Variants in CTTNBP2NL observed in about 807,000 individuals in gnomAD.
CTTNBP2NL encodes the protein CTTNBP2 N-terminal like, also known as CTTNBP2 N-terminal-like protein.
Under a neutral mutation model 32.5 loss-of-function variants are expected in CTTNBP2NL, and 16 were observed. The ratio of observed to expected loss-of-function variants is 0.49; its 90% CI spans 0.33 to 0.75. The LOEUF (loss-of-function observed/expected upper bound fraction) is 0.75, where lower values mean the gene tolerates loss of function less well. Among genes scored for constraint, CTTNBP2NL ranks in the 30% least tolerant of loss-of-function variants. CTTNBP2NL has a pLI of 0.02. For missense variants in CTTNBP2NL, 645 were observed against 756.0 expected (o/e 0.85, Z 1.72); for synonymous variants, 298 against 289.4 (o/e 1.03, Z -0.30).
chr1:112,421,310 C>CTTTTTTTTTTTT (rs34750717), intron 3 of CTTNBP2NL, among the ~76,000 whole-genome samples: 1 of 115,934 alleles, frequency 8.6e-6, no homozygotes, highest in African/African-American at 3.2e-5. Flanking sequence ...CATTTCTTTT[C>CTTTTTTTTTTTT]TTTTTTTTTT....
rs1174705198 is a variant in CTTNBP2NL at position 112,407,930 on chromosome 1, C to T, written c.-133-4264C>T. ...CGTAATCTTGCCTCACTGCAACCTC[C>T]ACCACCCGGGCTCACGCAATTCTCC... On this transcript the variant is annotated intron_variant, in intron 1 of 5. Transcript: ENST00000271277. Among the ~76,000 whole-genome samples the T allele has an allele frequency of 2.0e-5, 3 of 149,224 alleles. No homozygotes were observed. The East Asian group carries it at 5.9e-4, about 29-fold the overall frequency.
At chr1:112,400,990 A>G (rs1473746255) in intron 1 of CTTNBP2NL, among the ~76,000 whole-genome samples, 3 of 146,926 alleles carry the variant, frequency 2.0e-5, no homozygotes, top group Non-Finnish European at 3.0e-5. Context: ...AAAAAAAAAA[A>G]GGATTACATG....
chr1:112,400,040 G>C (rs1399931386), intron 1 of CTTNBP2NL, among the ~76,000 whole-genome samples: 1 of 152,170 alleles, frequency 6.6e-6, no homozygotes, highest in African/African-American at 2.4e-5. Flanking sequence ...TTGCACTCCA[G>C]CCTGGGCAAG....
chr1:112,406,871 T>C (rs1357723115), intron 1 of CTTNBP2NL, among the ~76,000 whole-genome samples: 3 of 152,210 alleles, frequency 2.0e-5, no homozygotes, highest in African/African-American at 7.2e-5. Flanking sequence ...TTATAAATGT[T>C]GACCCTAAAA....
At position 112,457,432 on chromosome 1, in the gene CTTNBP2NL, A is replaced by C. The variant is rs771832194; in HGVS notation, c.*20A>C. The C allele has an allele frequency of 1.3e-6, 2 of 1,573,742 alleles. No homozygotes were observed. The highest frequency in any genetic ancestry group is 1.7e-6 in the Non-Finnish European group (2 of 1,160,066). On this transcript the variant is annotated 3_prime_UTR_variant, in exon 6 of 6. Transcript: ENST00000271277. ...AGCTAGTCCCTAGGAGGGAGTCTCCACGTTTGACATTCCATCAGATTTCGT... is the reference window on the plus strand; with the variant it reads ...AGCTAGTCCCTAGGAGGGAGTCTCCCCGTTTGACATTCCATCAGATTTCGT...
chr1:112,422,633 C>G (rs115542711), intron 3 of CTTNBP2NL, among the ~76,000 whole-genome samples: 1,728 of 152,288 alleles, frequency 0.011, 38 homozygotes, highest in African/African-American at 0.04. Context: ...ACATCCTCAC[C>G]AAACTTGGTA....
chr1:112,408,849 G>A (rs1233001772), intron 1 of CTTNBP2NL, among the ~76,000 whole-genome samples: 1 of 152,014 alleles, frequency 6.6e-6, no homozygotes, highest in Non-Finnish European at 1.5e-5. Context: ...TTTACGGGCC[G>A]GGCATGGTGG....
At chr1:112,424,505 G>A (rs1175930109) in intron 3 of CTTNBP2NL, among the ~76,000 whole-genome samples, 2 of 152,074 alleles carry the variant, frequency 1.3e-5, no homozygotes, top group Non-Finnish European at 2.9e-5. Flanking sequence ...CTTATTTATG[G>A]TCCTTCGCAT....
At position 112,434,506 on chromosome 1, in the gene CTTNBP2NL, A is replaced by G. The variant is rs113761354; in HGVS notation, c.100-14436A>G. Among the ~76,000 whole-genome samples the G allele has an allele frequency of 9.1e-3, 1,390 of 152,236 alleles. 30 individuals are homozygous for G. The highest frequency in any genetic ancestry group is 0.032 in the African/African-American group (1,337 of 41,534). The stretch of plus-strand genomic sequence containing the variant: ...CTCTTATATTTTGACTTTAGATCCA[A>G]ATGGTCTCTGGATCTAGCCTCCTAC... On this transcript the variant is annotated intron_variant, in intron 3 of 5. Transcript: ENST00000271277.
chr1:112,425,956 CGTGT>C (rs376135147), intron 3 of CTTNBP2NL, among the ~76,000 whole-genome samples: 5,651 of 119,636 alleles, frequency 0.047, 175 homozygotes, highest in African/African-American at 0.11. Flanking sequence ...ATCTGGATGC[CGTGT>C]GTGTGTGTGT....
intron 3 of CTTNBP2NL, among the ~76,000 whole-genome samples, chr1:112,427,324 C>A (rs373113468): frequency 6.6e-6 from 1 of 152,162 alleles, no homozygotes; most frequent in Non-Finnish European, 1.5e-5. Context: ...TTATAGGTGA[C>A]ATCCCCTATA....
intron 4 of CTTNBP2NL, among the ~76,000 whole-genome samples, chr1:112,452,262 T>C (rs1037299804): frequency 3.3e-5 from 5 of 151,632 alleles, no homozygotes; most frequent in African/African-American, 1.2e-4. Flanking sequence ...CCTGGAACTC[T>C]TGGGCTCCAG....
rs116045594 is a variant in CTTNBP2NL at position 112,396,215 on chromosome 1, G to T, written c.-191G>T. The T allele has an allele frequency of 6.6e-6, 1 of 152,292 alleles. No individual in the cohort carries two copies. Among genetic ancestry groups the T allele is most frequent in the Non-Finnish European group, 1.5e-5 (1 of 68,152 alleles). The allele number at this position is 152,292 out of a possible 1,614,324, so 9.4% of individuals were successfully genotyped here. A position where few individuals can be genotyped will look rare whatever the true frequency, so the allele number is the denominator to read the frequency against. ...GGGCGGCTGAGGGGGCGGAGCCTCAGCCGCTGTGGATGGGGAGTGGAGGCG... is the reference window on the plus strand; with the variant it reads ...GGGCGGCTGAGGGGGCGGAGCCTCATCCGCTGTGGATGGGGAGTGGAGGCG... On this transcript the variant is annotated 5_prime_UTR_variant, in exon 1 of 6. Coordinates refer to ENST00000271277, the MANE Select transcript of CTTNBP2NL (RefSeq NM_018704.3).
At position 112,449,151 on chromosome 1, in the gene CTTNBP2NL, T is replaced by C; in HGVS notation, c.309T>C (p.Ala103=). The C allele has an allele frequency of 6.2e-7, 1 of 1,611,124 alleles. No homozygotes were observed. The highest frequency in any genetic ancestry group is 8.5e-7 in the Non-Finnish European group (1 of 1,177,368). The change falls in exon 4 of 6, where the codon GCT becomes GCC. Residue 103 remains alanine (A), a synonymous_variant. Transcript: ENST00000271277. The part of the protein sequence containing the change: ...MQERMLSQLA[A]AESRHRKVIL... ...AGCGCATGCTGTCCCAGCTGGCTGC[T>C]GCTGAGAGCAGGCACCGAAAGGTAG... is the stretch of plus-strand genomic sequence containing the variant.
chr1:112,426,768 A>G (rs1649417046), intron 3 of CTTNBP2NL, among the ~76,000 whole-genome samples: 1 of 151,792 alleles, frequency 6.6e-6, no homozygotes, highest in African/African-American at 2.4e-5. Context: ...CACCACACCC[A>G]GCTAATTTTG....
At chr1:112,423,444 A>G (rs773276617) in intron 3 of CTTNBP2NL, among the ~76,000 whole-genome samples, 21 of 152,292 alleles carry the variant, frequency 1.4e-4, no homozygotes, top group Admixed American at 1.3e-3. Flanking sequence ...CAGTGTATAC[A>G]TATTTCAAAA....
At chr1:112,393,366 A>AAAATTGAC (rs1648230430), upstream of CTTNBP2NL, among the ~76,000 whole-genome samples, 1 of 152,232 alleles carries the variant, frequency 6.6e-6, no homozygotes, top group South Asian at 2.1e-4. Flanking sequence ...TATTTGGAAA[A>AAAATTGAC]AAATTGACAC....
intron 3 of CTTNBP2NL, among the ~76,000 whole-genome samples, chr1:112,431,042 T>C (rs1649555708): frequency 6.6e-6 from 1 of 152,206 alleles, no homozygotes; most frequent in South Asian, 2.1e-4. Context: ...TCCTGTGGGT[T>C]CTGTGTTTTG....
chr1:112,454,718 G>T (rs1650315538), intron 5 of CTTNBP2NL, among the ~76,000 whole-genome samples, 162 bp downstream of exon 5: 1 of 152,236 alleles, frequency 6.6e-6, no homozygotes, highest in South Asian at 2.1e-4. Flanking sequence ...TTCTAACTTT[G>T]TTAGGATCTT....
Sources: allele counts gnomAD v4.1 joint callset (sites outside exome capture counted in the v4.1 genomes callset), GRCh38; gene constraint gnomAD v4.1.1; transcripts MANE v1.5; gene names NCBI Gene and HGNC (gene_info 2026-07-23, HGNC 2026-07-21).